AUTS2: variants seen among roughly 807,000 people sequenced by gnomAD.
AUTS2 encodes the protein autism susceptibility gene 2 protein.
AUTS2 carries 17 observed loss-of-function variants against 112.4 expected under a neutral mutation model. That is an observed-to-expected ratio of 0.15 (90% confidence interval 0.10 to 0.23). The LOEUF is 0.23. Ranked by LOEUF, AUTS2 falls within the 10% of genes least tolerant of loss-of-function variation. The pLI is 1.00. For synonymous variants in AUTS2, 751 were observed against 702.7 expected (o/e 1.07, Z -1.09); for missense variants, 1,510 against 1,701.6 (o/e 0.89, Z 1.98).
chr7:70,235,090 C>T (rs1329281404), intron 4 of AUTS2, among the ~76,000 whole-genome samples: 1 of 152,122 alleles, frequency 6.6e-6, no homozygotes. Context: ...TGGAGGAAAT[C>T]GGCCTCAGCA....
At chr7:70,288,275 G>T (rs1173469899) in intron 4 of AUTS2, among the ~76,000 whole-genome samples, 1 of 152,136 alleles carries the variant, frequency 6.6e-6, no homozygotes, top group Non-Finnish European at 1.5e-5. Flanking sequence ...GGTGGCGGGT[G>T]CCTGTAGTCC....
At chr7:70,145,479 C>CA (rs950585195) in intron 4 of AUTS2, among the ~76,000 whole-genome samples, 1 of 151,946 alleles carries the variant, frequency 6.6e-6, no homozygotes, top group Non-Finnish European at 1.5e-5. Flanking sequence ...TGTATGTGAA[C>CA]AAGCAGTATT....
intron 5 of AUTS2, among the ~76,000 whole-genome samples, chr7:70,614,304 A>C (rs1454711213): frequency 6.6e-6 from 1 of 152,174 alleles, no homozygotes; most frequent in Non-Finnish European, 1.5e-5. Flanking sequence ...TTTTTTATGA[A>C]AGTGGGGACC....
At chr7:70,621,471 C>T (rs183911879) in intron 5 of AUTS2, among the ~76,000 whole-genome samples, 9 of 152,346 alleles carry the variant, frequency 5.9e-5, no homozygotes, top group African/African-American at 1.2e-4. Flanking sequence ...CAGCAACTTT[C>T]GCCTCATGTG....
At chr7:70,282,106 A>G (rs1210298845) in intron 4 of AUTS2, among the ~76,000 whole-genome samples, 1 of 152,150 alleles carries the variant, frequency 6.6e-6, no homozygotes, top group African/African-American at 2.4e-5. Flanking sequence ...TGGGGTACCC[A>G]TACCTTCCCT....
chr7:69,790,987 C>A (rs532643055), intron 1 of AUTS2, among the ~76,000 whole-genome samples: 2 of 152,174 alleles, frequency 1.3e-5, no homozygotes, highest in Non-Finnish European at 2.9e-5. Flanking sequence ...ACTCTCCAAT[C>A]GATTTCTTGG....
At chr7:70,477,508 T>C (rs1443637373) in intron 5 of AUTS2, among the ~76,000 whole-genome samples, 1 of 152,204 alleles carries the variant, frequency 6.6e-6, no homozygotes, top group Non-Finnish European at 1.5e-5. Flanking sequence ...TGATGGAACC[T>C]GGCCAGAGGC....
chr7:69,751,896 G>T (rs1425506342), intron 1 of AUTS2, among the ~76,000 whole-genome samples: 1 of 152,154 alleles, frequency 6.6e-6, no homozygotes, highest in Non-Finnish European at 1.5e-5. Flanking sequence ...AACAAAACTT[G>T]TGGAATTGGA....
chr7:70,389,634 T>C (rs1025577830), intron 4 of AUTS2, among the ~76,000 whole-genome samples: 26 of 152,174 alleles, frequency 1.7e-4, no homozygotes, highest in African/African-American at 4.1e-4. Flanking sequence ...CTTTTTTTTT[T>C]CTTTATAGAA....
At chr7:70,327,785 G>T (rs1790558967) in intron 4 of AUTS2, among the ~76,000 whole-genome samples, 1 of 152,048 alleles carries the variant, frequency 6.6e-6, no homozygotes, top group South Asian at 2.1e-4. Context: ...GTAATATGTT[G>T]TCAACTGAAC....
In AUTS2 at chr7:70,792,192, G is replaced by A. The variant is rs1021547320; in HGVS notation, c.*1196G>A. On this transcript the variant is annotated 3_prime_UTR_variant, in exon 19 of 19. Transcript: ENST00000342771. ...CTGGTGATCAAGTCTGGGAACAGCC[G>A]TAACAGGTCAACCTTGTGGAGCCAT... 4 of 152,568 alleles carry A rather than the reference G, an allele frequency of 2.6e-5. No homozygotes were observed. The highest frequency in any genetic ancestry group is 1.3e-4 in the Admixed American group (2 of 15,280). 9.5% of individuals were successfully genotyped at this position (152,568 alleles called of 1,614,324 possible). A position where few individuals can be genotyped will look rare whatever the true frequency, so the allele number is the denominator to read the frequency against.
At chr7:69,943,679 AAG>A (rs2129545212) in intron 2 of AUTS2, among the ~76,000 whole-genome samples, 1 of 152,350 alleles carries the variant, frequency 6.6e-6, no homozygotes, top group African/African-American at 2.4e-5. Context: ...TGGGATTTGA[AAG>A]AGAACAAATT....
In AUTS2 at chr7:69,921,468, T is replaced by C. The variant is rs1383495969; in HGVS notation, c.522+21970T>C. 2.6e-5 allele frequency among the ~76,000 whole-genome samples: 4 copies of C among 151,730 alleles called. No individual in the cohort carries two copies. The South Asian group carries it at 6.2e-4, about 24-fold the overall frequency. On this transcript the variant is annotated intron_variant, in intron 2 of 18. Transcript: ENST00000342771. ...ACCATTCTGGATCTCACAGATGCTATTAAGATTAGTAAACGTTGGCCGAGC... is the reference window on the plus strand; with the variant it reads ...ACCATTCTGGATCTCACAGATGCTACTAAGATTAGTAAACGTTGGCCGAGC...
intron 1 of AUTS2, among the ~76,000 whole-genome samples, chr7:69,659,344 G>A (rs551093275): frequency 2.6e-5 from 4 of 151,736 alleles, no homozygotes; most frequent in Non-Finnish European, 2.9e-5. Flanking sequence ...AATTTTGTCC[G>A]TATATTCATT....
At chr7:70,550,351 C>T (rs927122585) in intron 5 of AUTS2, among the ~76,000 whole-genome samples, 4 of 152,124 alleles carry the variant, frequency 2.6e-5, no homozygotes, top group Admixed American at 6.5e-5. Flanking sequence ...TCTAGTCCTT[C>T]GGCACCTCTT....
intron 2 of AUTS2, among the ~76,000 whole-genome samples, chr7:70,060,712 G>A (rs964548007): frequency 6.6e-6 from 1 of 152,150 alleles, no homozygotes; most frequent in Non-Finnish European, 1.5e-5. Flanking sequence ...AAAACTTCCG[G>A]CATGGAAGGT....
chr7:70,788,045 T>C (rs566201332), intron 18 of AUTS2, among the ~76,000 whole-genome samples: 1 of 152,062 alleles, frequency 6.6e-6, no homozygotes, highest in South Asian at 2.1e-4. Flanking sequence ...TGGTAACCCA[T>C]GCCTAAAAAA....
chr7:69,722,248 T>C (rs1486494960), intron 1 of AUTS2, among the ~76,000 whole-genome samples: 1 of 152,166 alleles, frequency 6.6e-6, no homozygotes, highest in African/African-American at 2.4e-5. Flanking sequence ...TTCTTGGAAC[T>C]GTTCCTTTTT....
chr7:70,733,416 T>A (rs1787562179), intron 6 of AUTS2, among the ~76,000 whole-genome samples: 1 of 152,174 alleles, frequency 6.6e-6, no homozygotes, highest in Admixed American at 6.5e-5. Context: ...ATGCCAATTG[T>A]CTAGATTATT....
Sources: gnomAD v4.1 joint callset for allele counts (sites outside exome capture counted in the v4.1 genomes callset) on GRCh38, gnomAD v4.1.1 for gene constraint, MANE v1.5 for transcripts, NCBI Gene and HGNC (gene_info 2026-07-23, HGNC 2026-07-21) for gene names.